The following POT1 variants were observed in gnomAD, a reference collection of about 807,000 sequenced individuals.
POT1 encodes protection of telomeres 1, also known as protection of telomeres protein 1.
POT1 carries 47 observed loss-of-function variants against 78.5 expected under a neutral mutation model. The observed-to-expected ratio is 0.60, with a 90% CI of 0.47 to 0.76. POT1 has a LOEUF of 0.76. POT1 is among the 30% of genes least tolerant of loss of function. The pLI is 0.00. For synonymous variants in POT1, 259 were observed against 260.7 expected (o/e 0.99, Z 0.06); for missense variants, 646 against 749.9 (o/e 0.86, Z 1.62).
chr7:124,878,269 T>C (rs532248882), intron 6 of POT1, among the ~76,000 whole-genome samples: 3 of 151,724 alleles, frequency 2.0e-5, no homozygotes, highest in East Asian at 1.9e-4. Context: ...GAGGCAGAGG[T>C]TGTAGTAAGC....
intron 2 of POT1, among the ~76,000 whole-genome samples, 153 bp from the exon 3 acceptor site, chr7:124,915,799 T>G (rs1007149536): frequency 3.9e-5 from 6 of 152,092 alleles, no homozygotes; most frequent in South Asian, 2.1e-4. Flanking sequence ...GACAAGAAAC[T>G]GTTGAATTTG....
At chr7:124,852,333 A>G (rs1465805670) in intron 10 of POT1, among the ~76,000 whole-genome samples, 1 of 152,184 alleles carries the variant, frequency 6.6e-6, no homozygotes, top group Non-Finnish European at 1.5e-5. Flanking sequence ...ATTCCAATGA[A>G]TTAAAATGTA....
At chr7:124,827,887 G>A (rs1794669362) in intron 16 of POT1, among the ~76,000 whole-genome samples, 1 of 151,950 alleles carries the variant, frequency 6.6e-6, no homozygotes, top group Non-Finnish European at 1.5e-5. Flanking sequence ...AAAAAAAATA[G>A]CTAGGCTTGG....
intron 15 of POT1, among the ~76,000 whole-genome samples, chr7:124,830,111 AC>A (rs1268211405): frequency 6.6e-6 from 1 of 152,206 alleles, no homozygotes; most frequent in Admixed American, 6.5e-5. Flanking sequence ...TTTAGTAAGC[AC>A]ATATCCAGAG....
intron 15 of POT1, among the ~76,000 whole-genome samples, chr7:124,832,661 G>T (rs1341576459): frequency 2.0e-5 from 3 of 151,708 alleles, no homozygotes; most frequent in African/African-American, 4.8e-5. Flanking sequence ...ATAACAATAC[G>T]AAACAATCAG....
At chr7:124,913,939 T>C (rs12538061) in intron 3 of POT1, among the ~76,000 whole-genome samples, 48,381 of 151,588 alleles carry the variant, frequency 0.32, 7,747 homozygotes, top group South Asian at 0.4. Context: ...ATCAAGACCA[T>C]CCTGGCTAAC....
At chr7:124,846,007 CT>C (rs952110185) in intron 12 of POT1, among the ~76,000 whole-genome samples, 24 of 152,196 alleles carry the variant, frequency 1.6e-4, no homozygotes, top group African/African-American at 5.8e-4. Context: ...CAGAAATCTG[CT>C]GTTTCACCAA....
At chr7:124,857,794 C>T (rs908730830) in intron 9 of POT1, among the ~76,000 whole-genome samples, 1 of 152,204 alleles carries the variant, frequency 6.6e-6, no homozygotes, top group African/African-American at 2.4e-5. Flanking sequence ...GGATGCTACA[C>T]AAGAGCTCGG....
chr7:124,926,492 A>G (rs532370128), intron 2 of POT1, among the ~76,000 whole-genome samples: 1 of 152,330 alleles, frequency 6.6e-6, no homozygotes, highest in African/African-American at 2.4e-5. Context: ...GAGAATGTAC[A>G]TTAGTACAAC....
chr7:124,906,882 A>T (rs1796778362), intron 3 of POT1, among the ~76,000 whole-genome samples: 1 of 152,086 alleles, frequency 6.6e-6, no homozygotes, highest in Non-Finnish European at 1.5e-5. Flanking sequence ...GGATAAGAAA[A>T]ATATATAACA....
At chr7:124,900,410 C>A (rs933509471) in intron 3 of POT1, among the ~76,000 whole-genome samples, 2 of 152,080 alleles carry the variant, frequency 1.3e-5, no homozygotes, top group African/African-American at 4.8e-5. Context: ...TTCTACCTTC[C>A]TCTAAACTCT....
intron 6 of POT1, among the ~76,000 whole-genome samples, chr7:124,883,254 T>C (rs1226305603): frequency 6.6e-6 from 1 of 152,118 alleles, no homozygotes; most frequent in Non-Finnish European, 1.5e-5. Context: ...AAAAGCATGG[T>C]ATCTTTCACA....
At position 124,841,131 on chromosome 7, in the gene POT1, C is replaced by T. The variant is rs35536751; in HGVS notation, c.1211G>A (p.Gly404Asp). 1.9e-6 allele frequency: 3 copies of T among 1,612,476 alleles called. No individual in the cohort carries two copies. In the African/African-American group the frequency reaches 4.0e-5, roughly 22 times the overall value. Residue 404 changes from glycine (G) to aspartate (D), a missense_variant, in exon 14 of 19, where the codon GGT (glycine) becomes GAT (aspartate). By Grantham distance (94) the Gly-to-Asp change is moderately conservative (BLOSUM62 -1). Coordinates refer to ENST00000357628, the MANE Select transcript of POT1 (RefSeq NM_015450.3). ...EGDLDIIFQDGATKTPDVKLQ... is the reference protein window; with the variant it reads ...EGDLDIIFQDDATKTPDVKLQ... The stretch of plus-strand genomic sequence containing the variant: ...CTTGACATCTGGGGTTTTAGTTGCA[C>T]CATCCTGAAAAATTATATCCAAATC...
At chr7:124,843,830 A>G (rs1310471370) in intron 12 of POT1, among the ~76,000 whole-genome samples, 1 of 152,218 alleles carries the variant, frequency 6.6e-6, no homozygotes, top group Non-Finnish European at 1.5e-5. Context: ...CTGAGCTTTA[A>G]TCCAATGAAA....
At chr7:124,908,511 T>TG (rs1233853226) in intron 3 of POT1, among the ~76,000 whole-genome samples, 1 of 151,994 alleles carries the variant, frequency 6.6e-6, no homozygotes, top group Non-Finnish European at 1.5e-5. Context: ...CCAAGATGCT[T>TG]GCTCAAGGCC....
Position 124,877,757 on chromosome 7 carries a change from C to T in POT1, c.125-6716G>A, listed in dbSNP as rs538556099. ...CTGAGGCAGGAGAGTGGCGTGAACC[C>T]GGGAGGCAGAGCTTGCAGTGAGCTG... On this transcript the variant is annotated intron_variant, in intron 6 of 18. Transcript: ENST00000357628. Among the ~76,000 whole-genome samples, 183 of 145,266 alleles carry T rather than the reference C, an allele frequency of 1.3e-3. 1 individual carries two copies. Among genetic ancestry groups the T allele is most frequent in the African/African-American group, 4.3e-3 (168 of 38,816 alleles).
intron 14 of POT1, among the ~76,000 whole-genome samples, chr7:124,836,959 A>C (rs2116449133): frequency 6.6e-6 from 1 of 152,370 alleles, no homozygotes; most frequent in South Asian, 2.1e-4. Context: ...ACAAATGAAT[A>C]AGAACAAAGA....
At chr7:124,919,669 G>T (rs1371829247) in intron 2 of POT1, among the ~76,000 whole-genome samples, 14 of 152,130 alleles carry the variant, frequency 9.2e-5, no homozygotes, top group Non-Finnish European at 2.1e-4. Flanking sequence ...GCATCTGCAA[G>T]CCAAGGAGAG....
chr7:124,889,793 G>A (rs966918348), intron 6 of POT1, among the ~76,000 whole-genome samples: 2 of 151,900 alleles, frequency 1.3e-5, no homozygotes, highest in Non-Finnish European at 1.5e-5. Flanking sequence ...TAAGCCCAAC[G>A]TTGAGACGTA....
Sources: allele counts gnomAD v4.1 joint callset (sites outside exome capture counted in the v4.1 genomes callset), GRCh38; gene constraint gnomAD v4.1.1; transcripts MANE v1.5; gene names NCBI Gene and HGNC (gene_info 2026-07-23, HGNC 2026-07-21).